Variants in CMTM4 observed in about 807,000 individuals in gnomAD.
CMTM4 encodes CKLF-like MARVEL transmembrane domain-containing protein 4.
Under a neutral mutation model 19.0 loss-of-function variants are expected in CMTM4, and 8 were observed. The ratio of observed to expected loss-of-function variants is 0.42; its 90% CI spans 0.25 to 0.76. The LOEUF (loss-of-function observed/expected upper bound fraction) is 0.76, where lower values mean the gene tolerates loss of function less well. Ranked by LOEUF, CMTM4 falls within the 30% of genes least tolerant of loss-of-function variation. CMTM4 has a pLI of 0.27. For synonymous variants in CMTM4, 106 were observed against 121.1 expected (o/e 0.88, Z 0.82); for missense variants, 228 against 290.2 (o/e 0.79, Z 1.56).
chr16:66,627,061 C>T (rs538520263), intron 2 of CMTM4, among the ~76,000 whole-genome samples: 2 of 152,268 alleles, frequency 1.3e-5, no homozygotes, highest in Admixed American at 6.5e-5. Context: ...GGAGACTGCG[C>T]CTCTGCACTG....
chr16:66,637,084 C>T (rs180908923), intron 1 of CMTM4, among the ~76,000 whole-genome samples: 35 of 152,182 alleles, frequency 2.3e-4, no homozygotes, highest in Non-Finnish European at 1.2e-4. Flanking sequence ...ACTGGGACTC[C>T]TGACGGCTTT....
intron 2 of CMTM4, among the ~76,000 whole-genome samples, chr16:66,631,201 C>T (rs995662714): frequency 2.0e-5 from 3 of 149,228 alleles, no homozygotes; most frequent in African/African-American, 5.0e-5. Flanking sequence ...CCGCCCTGTC[C>T]GGGAGGGAGG....
At chr16:66,631,903 C>T (rs895869345) in intron 2 of CMTM4, among the ~76,000 whole-genome samples, 7 of 151,904 alleles carry the variant, frequency 4.6e-5, no homozygotes, top group South Asian at 2.1e-4. Flanking sequence ...TCCCCCTCTG[C>T]GAGAAACACC....
At chr16:66,672,434 A>G (rs990364438) in intron 1 of CMTM4, among the ~76,000 whole-genome samples, 1 of 149,720 alleles carries the variant, frequency 6.7e-6, no homozygotes, top group African/African-American at 2.5e-5. Context: ...AAAAAAAAAA[A>G]CCTAATGACC....
chr16:66,602,854 G>A, the CMTM4 span, among the ~76,000 whole-genome samples: 6 of 152,194 alleles, frequency 3.9e-5, no homozygotes, highest in African/African-American at 1.4e-4. Context: ...GACCCAAGGA[G>A]CCAATTTTCC....
intron 1 of CMTM4, among the ~76,000 whole-genome samples, chr16:66,690,633 G>A (rs1171284899): frequency 3.9e-5 from 6 of 152,124 alleles, no homozygotes; most frequent in African/African-American, 1.4e-4. Flanking sequence ...CACCCCTGAA[G>A]TGCAAATACT....
At chr16:66,631,415 C>T (rs2015867955) in intron 2 of CMTM4, among the ~76,000 whole-genome samples, 1 of 151,832 alleles carries the variant, frequency 6.6e-6, no homozygotes, top group African/African-American at 2.4e-5. Flanking sequence ...CGGCCACCAC[C>T]CCGTCAGGGA....
chr16:66,600,136 G>GGTTTTTT, the CMTM4 span, among the ~76,000 whole-genome samples: 215 of 135,120 alleles, frequency 1.6e-3, 9 homozygotes, highest in African/African-American at 3.5e-3. Context: ...GTGTGTGTGT[G>GGTTTTTT]TTTTTTTTTG....
intron 1 of CMTM4, among the ~76,000 whole-genome samples, chr16:66,653,311 A>G (rs1281764442): frequency 3.9e-5 from 6 of 152,188 alleles, no homozygotes; most frequent in Admixed American, 3.3e-4. Context: ...CATATCATAC[A>G]TAAGAGGCCA....
downstream of CMTM4, among the ~76,000 whole-genome samples, chr16:66,614,357 C>T (rs548008571): frequency 6.6e-6 from 1 of 152,216 alleles, no homozygotes; most frequent in South Asian, 2.1e-4. The surrounding 1 kb of genome is among the most constrained non-coding windows in gnomAD (Gnocchi z 4.9). Context: ...TAGTGTCTCA[C>T]GGCAGCCTCA....
At chr16:66,683,143 A>G (rs549032347) in intron 1 of CMTM4, among the ~76,000 whole-genome samples, 186 of 131,424 alleles carry the variant, frequency 1.4e-3, no homozygotes, top group Non-Finnish European at 2.2e-3. Flanking sequence ...ATATATATAT[A>G]TATGTATATA....
intron 2 of CMTM4, among the ~76,000 whole-genome samples, chr16:66,630,243 A>G (rs561750724): frequency 1.3e-5 from 2 of 151,290 alleles, no homozygotes; most frequent in South Asian, 4.2e-4. Flanking sequence ...CTTGGTGTGG[A>G]AAATGTATTT....
chr16:66,680,874 C>T (rs770394578), intron 1 of CMTM4, among the ~76,000 whole-genome samples: 8 of 151,656 alleles, frequency 5.3e-5, no homozygotes, highest in Non-Finnish European at 8.8e-5. Flanking sequence ...GCCAAAAGAC[C>T]AGTTAGTTAA....
At chr16:66,686,544 C>T (rs1200130434) in intron 1 of CMTM4, among the ~76,000 whole-genome samples, 2 of 99,356 alleles carry the variant, frequency 2.0e-5, no homozygotes, top group Non-Finnish European at 4.2e-5. Flanking sequence ...CAGACTCTGT[C>T]TCAAAAAAAA....
chr16:66,617,247 A>C lies in CMTM4; in HGVS notation c.*4811T>G. 1 of 1,604,744 alleles carries C rather than the reference A, an allele frequency of 6.2e-7. No homozygotes were observed. The highest frequency in any genetic ancestry group is 8.5e-7 in the Non-Finnish European group (1 of 1,174,510). On this transcript the variant is annotated 3_prime_UTR_variant, in exon 4 of 4. Coordinates refer to ENST00000394106, the MANE Select transcript of CMTM4 (RefSeq NM_181521.3). The stretch of plus-strand genomic sequence containing the variant: ...CAAACTTACCCTATGAAATAGATAC[A>C]CAGTTCAAGGACCCATCATCTGAAC...
chr16:66,605,077 C>A, the CMTM4 span: 2 of 899,696 alleles, frequency 2.2e-6, no homozygotes, highest in Non-Finnish European at 3.0e-6. This position sits in a 1 kb window ranked among gnomAD's most constrained non-coding sequence, Gnocchi z 4.6. Context: ...TCCGCGCCGC[C>A]TCGGCCGACT....
intron 1 of CMTM4, among the ~76,000 whole-genome samples, chr16:66,640,251 G>T (rs2016074827): frequency 1.3e-5 from 2 of 152,140 alleles, no homozygotes; most frequent in Admixed American, 1.3e-4. Context: ...AGTGAGCTGA[G>T]ATCGCGCCAC....
the CMTM4 span, among the ~76,000 whole-genome samples, chr16:66,602,567 A>G: frequency 6.6e-6 from 1 of 151,538 alleles, no homozygotes; most frequent in South Asian, 2.1e-4. Flanking sequence ...ACAGAGTCTC[A>G]CTCTGCCGCC....
chr16:66,679,435 T>C (rs958513479), intron 1 of CMTM4, among the ~76,000 whole-genome samples: 3 of 152,000 alleles, frequency 2.0e-5, no homozygotes, highest in Non-Finnish European at 4.4e-5. Flanking sequence ...ATGTGACCCC[T>C]GAATTATGCA....
Sources: allele counts gnomAD v4.1 joint callset (sites outside exome capture counted in the v4.1 genomes callset), GRCh38; gene constraint gnomAD v4.1.1; non-coding constraint Gnocchi (gnomAD v3.1); transcripts MANE v1.5; gene names NCBI Gene and HGNC (gene_info 2026-07-23, HGNC 2026-07-21).